FAM227B: variants seen among roughly 807,000 people sequenced by gnomAD.
FAM227B encodes protein FAM227B.
Under a neutral mutation model 73.8 loss-of-function variants are expected in FAM227B, and 88 were observed. The ratio of observed to expected loss-of-function variants is 1.19; its 90% CI spans 1.00 to 1.42. The LOEUF (loss-of-function observed/expected upper bound fraction) is 1.42, where lower values mean the gene tolerates loss of function less well. Ranked by LOEUF, FAM227B falls within the 40% of genes most tolerant of loss-of-function variation. The pLI is 0.00. For missense variants in FAM227B, 632 were observed against 590.9 expected, an observed-to-expected ratio of 1.07 and a Z score of -0.72; for synonymous variants, 210 against 190.5, an observed-to-expected ratio of 1.10 and a Z score of -0.84.
At chr15:49,375,564 C>T in intron 11 of FAM227B, among the ~76,000 whole-genome samples, 1 of 151,998 alleles carries the variant, frequency 6.6e-6, no homozygotes, top group East Asian at 1.9e-4. Flanking sequence ...GTATTTAAGG[C>T]TCTGTGGAGC....
In FAM227B at chr15:49,611,456, T is replaced by C. The variant is rs75219153; in HGVS notation, c.52-188A>G. 2.0e-5 allele frequency among the ~76,000 whole-genome samples: 3 copies of C among 152,274 alleles called. No homozygotes were observed. In the East Asian group the frequency reaches 5.8e-4, roughly 29 times the overall value. On this transcript the variant is annotated intron_variant, in intron 2 of 15. Transcript: ENST00000299338. The stretch of plus-strand genomic sequence containing the variant: ...GGACACACATAAATGTTTAAGTTCT[T>C]AGCCTCCAAACCAAATTTTGTAATA...
chr15:49,452,996 A>G (rs2052911220), intron 11 of FAM227B, among the ~76,000 whole-genome samples: 1 of 152,080 alleles, frequency 6.6e-6, no homozygotes, highest in African/African-American at 2.4e-5. Flanking sequence ...TCACAAAATT[A>G]CTCTAGTTAA....
intron 3 of FAM227B, among the ~76,000 whole-genome samples, chr15:49,597,523 A>G (rs2076951811): frequency 6.6e-6 from 1 of 152,004 alleles, no homozygotes. Flanking sequence ...AGCCTGAAAG[A>G]GCACAAGAAG....
intron 9 of FAM227B, among the ~76,000 whole-genome samples, chr15:49,549,485 A>G (rs2072482900): frequency 6.6e-6 from 1 of 152,124 alleles, no homozygotes; most frequent in African/African-American, 2.4e-5. Flanking sequence ...GGCCTTCCAC[A>G]GTGTTTGTGT....
At position 49,465,842 on chromosome 15, in the gene FAM227B, T is replaced by G. The variant is rs556562787; in HGVS notation, c.1012+42369A>C. On this transcript the variant is annotated intron_variant, in intron 11 of 15. Transcript: ENST00000299338. ...TAGAAAACTTGTTAATTCTTTAATC[T>G]TGGAATAATAACAATCATATGCCAA... Among the ~76,000 whole-genome samples the G allele has an allele frequency of 1.3e-3, 193 of 152,308 alleles. 1 individual carries two copies. The highest frequency in any genetic ancestry group is 2.5e-3 in the Non-Finnish European group (169 of 68,012).
At chr15:49,514,799 G>A (rs2059269880) in intron 10 of FAM227B, among the ~76,000 whole-genome samples, 1 of 151,996 alleles carries the variant, frequency 6.6e-6, no homozygotes, top group African/African-American at 2.4e-5. Flanking sequence ...TATGCACTAT[G>A]CTTTTGATGT....
At chr15:49,564,159 C>T (rs577056642) in intron 9 of FAM227B, among the ~76,000 whole-genome samples, 1 of 151,934 alleles carries the variant, frequency 6.6e-6, no homozygotes, top group East Asian at 1.9e-4. Flanking sequence ...AGAAATAATC[C>T]CATTAAAATG....
At chr15:49,572,116 A>G (rs1344112444) in intron 8 of FAM227B, among the ~76,000 whole-genome samples, 2 of 152,000 alleles carry the variant, frequency 1.3e-5, no homozygotes, top group African/African-American at 4.8e-5. Context: ...TACTATTGTA[A>G]ACAGAATTGT....
intron 11 of FAM227B, among the ~76,000 whole-genome samples, chr15:49,457,190 C>A (rs1004549043): frequency 1.3e-5 from 2 of 151,860 alleles, no homozygotes; most frequent in African/African-American, 2.4e-5. Context: ...AAGCAGGAAG[C>A]AGTTTATTGG....
chr15:49,377,667 T>C (rs1296381110), intron 11 of FAM227B, among the ~76,000 whole-genome samples: 1 of 152,162 alleles, frequency 6.6e-6, no homozygotes, highest in Non-Finnish European at 1.5e-5. Flanking sequence ...TTTTGAGAAA[T>C]GTCTATTCAA....
chr15:49,424,043 C>T (rs973222214), intron 11 of FAM227B: 4 of 364,894 alleles, frequency 1.1e-5, no homozygotes, highest in African/African-American at 8.3e-5. Context: ...AGTCAAATAG[C>T]AAACAGCGTC....
intron 5 of FAM227B, among the ~76,000 whole-genome samples, chr15:49,586,636 C>T (rs552923063): frequency 2.0e-5 from 3 of 152,146 alleles, no homozygotes; most frequent in East Asian, 1.9e-4. Context: ...TTGCAAACTA[C>T]GCATCTTACA....
intron 5 of FAM227B, among the ~76,000 whole-genome samples, chr15:49,579,275 T>C (rs2075662108): frequency 6.6e-6 from 1 of 152,154 alleles, no homozygotes; most frequent in African/African-American, 2.4e-5. Flanking sequence ...AGAACTGTCA[T>C]ACAATTAGTC....
At position 49,440,400 on chromosome 15, in the gene FAM227B, TTATATA is replaced by T. The variant is rs147447681; in HGVS notation, c.1012+67805_1012+67810del. On this transcript the variant is annotated intron_variant, in intron 11 of 15. Coordinates refer to ENST00000299338, the MANE Select transcript of FAM227B (RefSeq NM_152647.3). Reference sequence around the variant, plus strand: ...AGTATTTATAGTGAAAAGCCAATGTTTATATATATAGGAAAAAGAGATCAGCAAATT... The same window carrying T: ...AGTATTTATAGTGAAAAGCCAATGTTTATAGGAAAAAGAGATCAGCAAATT... Among the ~76,000 whole-genome samples, 1,063 of 151,756 alleles carry T rather than the reference TTATATA, an allele frequency of 7.0e-3. 14 individuals are homozygous for T. Among genetic ancestry groups the T allele is most frequent in the African/African-American group, 0.025 (1,018 of 41,442 alleles).
chr15:49,508,081 A>T lies in FAM227B; in HGVS notation c.1012+130T>A. 3 of 894,384 alleles carry T rather than the reference A, an allele frequency of 3.4e-6. No homozygotes were observed. In the South Asian group the frequency reaches 5.3e-5, roughly 16 times the overall value. 55.4% of individuals were successfully genotyped at this position (894,384 alleles called of 1,614,324 possible). ...CTTAAGTGTGTACCACTATAACATC[A>T]ATCTATAAATCAAATGTTATTTTAA... On this transcript the variant is annotated intron_variant, in intron 11 of 15. Coordinates refer to ENST00000299338, the MANE Select transcript of FAM227B (RefSeq NM_152647.3).
At chr15:49,474,874 T>G (rs2055106730) in intron 11 of FAM227B, among the ~76,000 whole-genome samples, 1 of 152,192 alleles carries the variant, frequency 6.6e-6, no homozygotes. Context: ...AGTTTCATCC[T>G]GAACCTCCCC....
intron 3 of FAM227B, among the ~76,000 whole-genome samples, chr15:49,610,857 C>T (rs2077861710): frequency 6.6e-6 from 1 of 152,140 alleles, no homozygotes; most frequent in Non-Finnish European, 1.5e-5. Flanking sequence ...TGTAACACCT[C>T]TACAGATTAC....
chr15:49,362,479 C>T (rs2044411208), intron 13 of FAM227B, among the ~76,000 whole-genome samples: 2 of 151,454 alleles, frequency 1.3e-5, no homozygotes, highest in African/African-American at 4.8e-5. Flanking sequence ...TTCTTTATAG[C>T]AGCATGAAAA....
intron 11 of FAM227B, among the ~76,000 whole-genome samples, chr15:49,495,184 T>C (rs1456390211): frequency 1.3e-5 from 2 of 152,108 alleles, no homozygotes; most frequent in Middle Eastern, 3.2e-3. Flanking sequence ...CCAATATATC[T>C]GGGGGAGGTA....
Sources: allele counts gnomAD v4.1 joint callset (sites outside exome capture counted in the v4.1 genomes callset), GRCh38; gene constraint gnomAD v4.1.1; transcripts MANE v1.5; gene names NCBI Gene and HGNC (gene_info 2026-07-23, HGNC 2026-07-21).